Variants in TRPS1 observed in about 807,000 individuals in gnomAD.
The protein encoded by TRPS1 is transcriptional repressor GATA binding 1.
A neutral mutation model predicts 101.2 loss-of-function variants in TRPS1; 6 were observed. The observed-to-expected ratio is 0.06, with a 90% CI of 0.03 to 0.12. The LOEUF is 0.12. Among genes scored for constraint, TRPS1 ranks in the 10% least tolerant of loss-of-function variants. The pLI, the probability that TRPS1 is intolerant of heterozygous loss-of-function variation, is 1.00. For missense variants in TRPS1, 1,363 were observed against 1,567.0 expected (o/e 0.87, Z 2.20); for synonymous variants, 578 against 589.8 (o/e 0.98, Z 0.29).
chr8:115,546,823 A>G (rs1816585430), intron 5 of TRPS1, among the ~76,000 whole-genome samples: 1 of 152,220 alleles, frequency 6.6e-6, no homozygotes, highest in African/African-American at 2.4e-5. Flanking sequence ...TTTTTAACAC[A>G]GAGCAGAGGT....
intron 5 of TRPS1, among the ~76,000 whole-genome samples, chr8:115,434,767 T>C (rs1369362437): frequency 3.3e-5 from 5 of 152,224 alleles, no homozygotes; most frequent in African/African-American, 4.8e-5. Flanking sequence ...TGCCCCTCTA[T>C]TTCTTTGAAT....
At chr8:115,633,575 T>C (rs1439402900) in intron 1 of TRPS1, among the ~76,000 whole-genome samples, 1 of 152,196 alleles carries the variant, frequency 6.6e-6, no homozygotes, top group Non-Finnish European at 1.5e-5. Flanking sequence ...ACCAAAAGCC[T>C]GATAGTTATT....
intron 5 of TRPS1, among the ~76,000 whole-genome samples, chr8:115,445,884 G>A (rs762257818): frequency 9.2e-5 from 14 of 151,986 alleles, no homozygotes; most frequent in Non-Finnish European, 1.5e-4. Context: ...AATGTAACAC[G>A]CCCGTCAAAA....
chr8:115,591,653 G>A (rs923382508), intron 4 of TRPS1, among the ~76,000 whole-genome samples: 2 of 152,128 alleles, frequency 1.3e-5, no homozygotes, highest in Non-Finnish European at 2.9e-5. Context: ...ACCGCCCATG[G>A]TACAGGTGCT....
At chr8:115,639,111 T>C (rs914806195) in intron 1 of TRPS1, among the ~76,000 whole-genome samples, 1 of 152,194 alleles carries the variant, frequency 6.6e-6, no homozygotes, top group African/African-American at 2.4e-5. Context: ...TTGTCCCAGC[T>C]AGAGTGCAGT....
At chr8:115,521,137 C>T (rs2737201) in intron 5 of TRPS1, among the ~76,000 whole-genome samples, 151,887 of 151,888 alleles carry the variant, frequency 1, 75,943 homozygotes, top group Middle Eastern at 1. Context: ...TTTCTTATCC[C>T]AACTCTATGT....
At chr8:115,443,185 G>T (rs181551277) in intron 5 of TRPS1, among the ~76,000 whole-genome samples, 72 of 152,156 alleles carry the variant, frequency 4.7e-4, no homozygotes, top group South Asian at 2.9e-3. Flanking sequence ...CAGGACAATC[G>T]CTTGAACCCA....
intron 5 of TRPS1, among the ~76,000 whole-genome samples, chr8:115,440,767 T>C (rs1305731903): frequency 6.6e-6 from 1 of 152,230 alleles, no homozygotes; most frequent in African/African-American, 2.4e-5. Context: ...GGAAGCAGGA[T>C]GAAAACTGAC....
chr8:115,560,843 C>G (rs1816929069), intron 5 of TRPS1, among the ~76,000 whole-genome samples: 2 of 152,086 alleles, frequency 1.3e-5, no homozygotes, highest in South Asian at 4.1e-4. Context: ...AAAATCCCTA[C>G]TGAGTTGGTA....
chr8:115,497,521 T>C (rs1179747971), intron 5 of TRPS1, among the ~76,000 whole-genome samples: 1 of 152,156 alleles, frequency 6.6e-6, no homozygotes, highest in East Asian at 1.9e-4. Flanking sequence ...ATTTGGGGCT[T>C]ATATCAAGTC....
At chr8:115,482,219 A>G (rs927869432) in intron 5 of TRPS1, among the ~76,000 whole-genome samples, 1 of 152,190 alleles carries the variant, frequency 6.6e-6, no homozygotes, top group African/African-American at 2.4e-5. Context: ...GAGGGCAAAA[A>G]CAAATCATTT....
At chr8:115,465,441 C>T (rs1253426610) in intron 5 of TRPS1, among the ~76,000 whole-genome samples, 2 of 152,138 alleles carry the variant, frequency 1.3e-5, no homozygotes, top group East Asian at 3.9e-4. Context: ...AGAGAAATTC[C>T]AAAACACTAG....
At chr8:115,511,961 T>C (rs1359552486) in intron 5 of TRPS1, among the ~76,000 whole-genome samples, 4 of 151,842 alleles carry the variant, frequency 2.6e-5, no homozygotes, top group Admixed American at 2.6e-4. Flanking sequence ...ATATCTAACA[T>C]ACGACTAAAC....
intron 1 of TRPS1, among the ~76,000 whole-genome samples, chr8:115,653,723 G>C (rs909070836): frequency 6.6e-6 from 1 of 152,052 alleles, no homozygotes; most frequent in Non-Finnish European, 1.5e-5. Context: ...CTAAAAGACA[G>C]AGCGGAAAAT....
chr8:115,446,176 A>C (rs1813729806), intron 5 of TRPS1, among the ~76,000 whole-genome samples: 1 of 152,106 alleles, frequency 6.6e-6, no homozygotes, highest in African/African-American at 2.4e-5. Context: ...TCAAAATGTA[A>C]GGATGTTTCC....
intron 5 of TRPS1, among the ~76,000 whole-genome samples, chr8:115,449,801 G>A (rs1166094074): frequency 6.6e-6 from 1 of 152,124 alleles, no homozygotes; most frequent in Non-Finnish European, 1.5e-5. Flanking sequence ...TCCAATAATG[G>A]CATACATAAT....
At chr8:115,643,299 A>G (rs1818945537) in intron 1 of TRPS1, among the ~76,000 whole-genome samples, 2 of 152,156 alleles carry the variant, frequency 1.3e-5, no homozygotes, top group African/African-American at 4.8e-5. Context: ...GTAGCATGCA[A>G]TGCCACTTGA....
At chr8:115,622,041 T>C (rs961311850) in intron 2 of TRPS1, among the ~76,000 whole-genome samples, 1 of 152,040 alleles carries the variant, frequency 6.6e-6, no homozygotes, top group Non-Finnish European at 1.5e-5. Context: ...ATTACATATA[T>C]AGGATGGAAG....
At chr8:115,532,911 T>C (rs1421781082) in intron 5 of TRPS1, among the ~76,000 whole-genome samples, 3 of 152,084 alleles carry the variant, frequency 2.0e-5, no homozygotes, top group Non-Finnish European at 4.4e-5. Flanking sequence ...TCAGATTTCA[T>C]AAAGGTTACT....
Sources: allele counts gnomAD v4.1 joint callset (sites outside exome capture counted in the v4.1 genomes callset), GRCh38; gene constraint gnomAD v4.1.1; transcripts MANE v1.5; gene names NCBI Gene and HGNC (gene_info 2026-07-23, HGNC 2026-07-21).